Variants in RSRC2 observed in about 807,000 individuals in gnomAD.
RSRC2 encodes arginine/serine-rich coiled-coil protein 2.
In RSRC2, 5 loss-of-function variants were observed where a neutral mutation model predicts 61.3. The ratio of observed to expected loss-of-function variants is 0.08; its 90% CI spans 0.04 to 0.17. RSRC2 has a LOEUF of 0.17. Ranked by LOEUF, RSRC2 falls within the 10% of genes least tolerant of loss-of-function variation. The pLI is 1.00. For missense variants in RSRC2, 381 were observed against 518.8 expected (o/e 0.73, Z 2.58); for synonymous variants, 202 against 166.5 (o/e 1.21, Z -1.64).
chr12:122,513,582 A>G (rs933554134), intron 6 of RSRC2, among the ~76,000 whole-genome samples: 11 of 152,230 alleles, frequency 7.2e-5, no homozygotes, highest in African/African-American at 1.9e-4. Context: ...AGCTTAAAAA[A>G]TATTTGTCAG....
chr12:122,516,547 A>T (rs78044957), intron 5 of RSRC2, among the ~76,000 whole-genome samples: 2 of 152,226 alleles, frequency 1.3e-5, no homozygotes, highest in Non-Finnish European at 2.9e-5. Context: ...AGCACGACAC[A>T]CTTACCTTTC....
At chr12:122,519,084 G>C in intron 3 of RSRC2, 55 bp from the exon 4 acceptor site, 1 of 1,456,352 alleles carries the variant, frequency 6.9e-7, no homozygotes. Context: ...AAGAGAGTTA[G>C]TATGGGTATC....
intron 1 of RSRC2, among the ~76,000 whole-genome samples, chr12:122,524,134 A>T (rs1305673831): frequency 2.0e-5 from 3 of 152,230 alleles, no homozygotes; most frequent in Non-Finnish European, 4.4e-5. Context: ...AGATCCAGCA[A>T]CATTAGCTGA....
rs544754927 is a variant in RSRC2 at position 122,505,414 on chromosome 12, A to T, written c.*113T>A. 19 of 954,334 alleles carry T rather than the reference A, an allele frequency of 2.0e-5. No homozygotes were observed. In the Admixed American group the frequency reaches 4.9e-4, roughly 25 times the overall value. 59.1% of individuals were successfully genotyped at this position (954,334 alleles called of 1,614,324 possible). On this transcript the variant is annotated 3_prime_UTR_variant, in exon 10 of 10. Coordinates refer to ENST00000331738, the MANE Select transcript of RSRC2 (RefSeq NM_023012.6). Reference sequence around the variant, plus strand: ...TACAAAAATTTGTATTTTTCAATAAATTAAAGTCAATGCAACACCCATGCA... The same window carrying T: ...TACAAAAATTTGTATTTTTCAATAATTTAAAGTCAATGCAACACCCATGCA...
chr12:122,522,270 G>A lies in RSRC2; in HGVS notation c.36C>T (p.Ala12=), dbSNP rs1437705517. ...CTCTATCTGGTGATGTCTTTTCTGG[G>A]GCTAGTCCATCTCGCTCTGTATCAC... ...AASDTERDGL[A]PEKTSPDRDK... is the part of the protein sequence containing the mutation. The change falls in exon 2 of 10, where the codon GCC becomes GCT. Residue 12 remains alanine (A), a synonymous_variant. Coordinates refer to ENST00000331738, the MANE Select transcript of RSRC2 (RefSeq NM_023012.6). 2 of 1,612,492 alleles carry A rather than the reference G, an allele frequency of 1.2e-6. No homozygotes were observed. The highest frequency in any genetic ancestry group is 1.7e-6 in the Non-Finnish European group (2 of 1,179,344).
chr12:122,506,752 C>A (rs1958140302), intron 9 of RSRC2, 82 bp downstream of exon 9: 1 of 844,972 alleles, frequency 1.2e-6, no homozygotes, highest in African/African-American at 1.7e-5. Context: ...TGAGTAAAGA[C>A]CAGAACTAAG....
At chr12:122,514,655 T>C in intron 6 of RSRC2, 3 of 1,085,732 alleles carry the variant, frequency 2.8e-6, no homozygotes, top group Non-Finnish European at 3.5e-6. Context: ...TAGCTTATAA[T>C]GTATTATCTG....
At chr12:122,518,065 G>A (rs1393838126) in intron 4 of RSRC2, among the ~76,000 whole-genome samples, 1 of 152,148 alleles carries the variant, frequency 6.6e-6, no homozygotes, top group Non-Finnish European at 1.5e-5. Context: ...AGGAGGCCAA[G>A]GCCGTCACAC....
chr12:122,510,984 G>T, intron 7 of RSRC2, 125 bp downstream of exon 7: 1 of 654,750 alleles, frequency 1.5e-6, no homozygotes, highest in African/African-American at 1.8e-5. Context: ...GGGAGTTTGA[G>T]GCTACCATGC....
intron 3 of RSRC2, chr12:122,520,792 A>C (rs1234273253): frequency 3.0e-6 from 1 of 328,890 alleles, no homozygotes; most frequent in Non-Finnish European, 6.0e-6. Context: ...TTATTGGCTC[A>C]TTCTTTGTCT....
chr12:122,516,191 CT>C (rs1468133624), intron 5 of RSRC2, among the ~76,000 whole-genome samples: 1 of 152,124 alleles, frequency 6.6e-6, no homozygotes, highest in Non-Finnish European at 1.5e-5. Context: ...ATGTTTCAAT[CT>C]TTCATACACT....
Position 122,505,638 on chromosome 12 carries a change from T to C in RSRC2, c.1194A>G (p.Glu398=). 6.2e-7 allele frequency: 1 copy of C among 1,614,110 alleles called. No individual in the cohort carries two copies. Among genetic ancestry groups the C allele is most frequent in the Non-Finnish European group, 8.5e-7 (1 of 1,179,966 alleles). Residue 398 remains glutamate, a synonymous_variant, in exon 10 of 10, where the codon GAA becomes GAG. Coordinates refer to ENST00000331738, the MANE Select transcript of RSRC2 (RefSeq NM_023012.6). ...ESYKTLKQQE[E]VFRNLDAQYE... The stretch of plus-strand genomic sequence containing the variant: ...ACTGAGCATCTAAATTTCGAAATAC[T>C]TCTTCCTGCTGCTTCAGAGTCTTGT...
intron 6 of RSRC2, among the ~76,000 whole-genome samples, chr12:122,512,367 A>G (rs1274630471): frequency 6.6e-6 from 1 of 152,122 alleles, no homozygotes; most frequent in African/African-American, 2.4e-5. Context: ...GACTGACAAA[A>G]CTTGTTTTTG....
chr12:122,506,977 C>A, intron 8 of RSRC2, 54 bp from the exon 9 acceptor site: 2 of 949,020 alleles, frequency 2.1e-6, no homozygotes, highest in Non-Finnish European at 3.3e-6. Flanking sequence ...TTTTTTAGGA[C>A]ATGAAATCTC....
At chr12:122,514,598 AG>A in intron 6 of RSRC2, 3 of 1,000,120 alleles carry the variant, frequency 3.0e-6, no homozygotes, top group Non-Finnish European at 2.4e-6. Flanking sequence ...AAAAAAAAAA[AG>A]TTCTCCCATA....
intron 6 of RSRC2, among the ~76,000 whole-genome samples, chr12:122,512,883 T>C (rs75643452): frequency 6.6e-6 from 1 of 152,168 alleles, no homozygotes; most frequent in African/African-American, 2.4e-5. Flanking sequence ...GTTTGTAAAT[T>C]AGCAGTAACA....
rs371184151 is a variant in RSRC2, at chr12:122,515,071, G to A, written c.725+34C>T. The stretch of plus-strand genomic sequence containing the variant: ...CACAATTGAGCATTTATTTAAAGGC[G>A]AACTGGAACAAATGAATTAAGAAAT... On this transcript the variant is annotated intron_variant, in intron 6 of 9. Coordinates refer to ENST00000331738, the MANE Select transcript of RSRC2 (RefSeq NM_023012.6). The A allele has an allele frequency of 1.8e-4, 282 of 1,599,698 alleles. 1 individual carries two copies. The highest frequency in any genetic ancestry group is 2.2e-4 in the Non-Finnish European group (253 of 1,173,864).
rs1258597258 is a variant in RSRC2 at position 122,526,897 on chromosome 12, T to A, written c.-44A>T. 4 of 1,612,802 alleles carry A rather than the reference T, an allele frequency of 2.5e-6. No homozygotes were observed. The Admixed American group carries it at 6.7e-5, about 27-fold the overall frequency. On this transcript the variant is annotated 5_prime_UTR_variant, in exon 1 of 10. The change creates a new upstream start codon in the 5' untranslated region. Transcript: ENST00000331738. ...CTAGAGCGGCGCCTCCACTTGTCGC[T>A]TTCAACAGTACCGGCCGCTCCGAAG...
chr12:122,517,188 G>C, intron 5 of RSRC2, 39 bp downstream of exon 5: 1 of 1,612,396 alleles, frequency 6.2e-7, no homozygotes, highest in South Asian at 1.1e-5. Flanking sequence ...GACTCTCTGA[G>C]GGTCCTATTA....
Sources: gnomAD v4.1 joint callset for allele counts (sites outside exome capture counted in the v4.1 genomes callset) on GRCh38, gnomAD v4.1.1 for gene constraint, MANE v1.5 for transcripts, NCBI Gene and HGNC (gene_info 2026-07-23, HGNC 2026-07-21) for gene names.